Variants in NCEH1 observed in about 807,000 individuals in gnomAD.
The protein encoded by NCEH1 is 2-acetyl MAGE hydrolase.
NCEH1 carries 9 observed loss-of-function variants against 25.4 expected under a neutral mutation model. The ratio of observed to expected loss-of-function variants is 0.35; its 90% confidence interval spans 0.21 to 0.62. The LOEUF is 0.62. Ranked by LOEUF, NCEH1 falls within the 20% of genes least tolerant of loss-of-function variation. The pLI is 0.72. For missense variants in NCEH1, 412 were observed against 501.1 expected, an observed-to-expected ratio of 0.82 and a Z score of 1.70; for synonymous variants, 200 against 199.8, an observed-to-expected ratio of 1.00 and a Z score of -0.01.
intron 2 of NCEH1, 72 bp from the exon 3 acceptor site, chr3:172,645,764 G>A: frequency 3.4e-6 from 3 of 890,482 alleles, no homozygotes; most frequent in Non-Finnish European, 5.1e-6. Context: ...ATTCTGCTAA[G>A]TGTGAATTGT....
rs1279046118 is a variant in NCEH1, at chr3:172,675,329, A to AT, written c.139-27216dup. Among the ~76,000 whole-genome samples the AT allele has an allele frequency of 6.1e-3, 924 of 151,680 alleles. 10 individuals carry two copies. Among genetic ancestry groups the AT allele is most frequent in the East Asian group, 0.027 (140 of 5,170 alleles). On this transcript the variant is annotated intron_variant, in intron 1 of 4. Coordinates refer to ENST00000475381, the MANE Select transcript of NCEH1 (RefSeq NM_020792.6). ...AATAAATAAATAAATAAATAAATAAATAAATAAATAAATGATTTTGTGAGT... is the reference window on the plus strand; with the variant it reads ...AATAAATAAATAAATAAATAAATAAATTAAATAAATAAATGATTTTGTGAGT...
Position 172,633,735 on chromosome 3 carries a change from G to A in NCEH1, c.967C>T (p.Arg323Cys), listed in dbSNP as rs754711926. 1.1e-5 allele frequency: 17 copies of A among 1,614,062 alleles called. No homozygotes were observed. Among genetic ancestry groups the A allele is most frequent in the Admixed American group, 6.7e-5 (4 of 59,996 alleles). The change falls in exon 5 of 5, where the codon CGC becomes TGC. Residue 323 changes from arginine to cysteine, a missense_variant. Physicochemically the swap from Arg to Cys is radical, Grantham distance 180. This residue lies in a region of NCEH1 where 210 missense variants were observed against 258.2 expected (regional missense o/e 0.81). Coordinates refer to ENST00000475381, the MANE Select transcript of NCEH1 (RefSeq NM_020792.6). The part of the protein sequence containing the change: ...VQELPQLLDA[R>C]SAPLIADQAV... Reference sequence around the variant, plus strand: ...TGGTCTGCAATGAGTGGGGCGGAGCGGGCATCCAGCAACTGAGGAAGCTCC... The same window carrying A: ...TGGTCTGCAATGAGTGGGGCGGAGCAGGCATCCAGCAACTGAGGAAGCTCC...
chr3:172,692,115 G>A (rs543195307), intron 1 of NCEH1, among the ~76,000 whole-genome samples: 1 of 152,146 alleles, frequency 6.6e-6, no homozygotes, highest in African/African-American at 2.4e-5. Context: ...CTCCAATAAG[G>A]CATCATAGCT....
intron 1 of NCEH1, among the ~76,000 whole-genome samples, chr3:172,658,677 C>T (rs1269459104): frequency 2.0e-5 from 3 of 152,050 alleles, no homozygotes; most frequent in Non-Finnish European, 2.9e-5. Context: ...CACTACATAA[C>T]AAAATCTAGC....
At chr3:172,634,194 T>C (rs541724991) in intron 4 of NCEH1, 102 bp from the exon 5 acceptor site, 12 of 1,111,262 alleles carry the variant, frequency 1.1e-5, no homozygotes, top group Non-Finnish European at 9.0e-6. Flanking sequence ...AATCTGTCAA[T>C]GGTATAAGTG....
At chr3:172,676,422 C>T (rs1297424936) in intron 1 of NCEH1, among the ~76,000 whole-genome samples, 1 of 152,048 alleles carries the variant, frequency 6.6e-6, no homozygotes, top group Non-Finnish European at 1.5e-5. Flanking sequence ...AACATCATGG[C>T]GATCCGTATT....
In NCEH1 at chr3:172,684,851, T is replaced by G. The variant is rs185813140; in HGVS notation, c.138+25996A>C. Among the ~76,000 whole-genome samples, 28 of 152,040 alleles carry G rather than the reference T, an allele frequency of 1.8e-4. No homozygotes were observed. In the East Asian group the frequency reaches 5.4e-3, roughly 29 times the overall value. On this transcript the variant is annotated intron_variant, in intron 1 of 4. Coordinates refer to ENST00000475381, the MANE Select transcript of NCEH1 (RefSeq NM_020792.6). Reference sequence around the variant, plus strand: ...CAAAAACTAGCCAGGCATGGTGGTGTGTGCCTGTAATCCCAGCTACTTGGG... The same window carrying G: ...CAAAAACTAGCCAGGCATGGTGGTGGGTGCCTGTAATCCCAGCTACTTGGG...
At position 172,647,986 on chromosome 3, in the gene NCEH1, A is replaced by G. The variant is rs766232733; in HGVS notation, c.267T>C (p.Gly89=). Residue 89 remains glycine, a synonymous_variant, in exon 2 of 5, where the codon GGT becomes GGC. Coordinates refer to ENST00000475381, the MANE Select transcript of NCEH1 (RefSeq NM_020792.6). The part of the protein sequence containing the change: ...QVKVTDTDFD[G]VEVRVFEGPP... ...GGCCTTCAAACACTCTGACTTCCAC[A>G]CCATCAAAGTCTGTGTCGGTCACCT... is the stretch of plus-strand genomic sequence containing the variant. 1.2e-6 allele frequency: 2 copies of G among 1,614,088 alleles called. No individual in the cohort carries two copies. The highest frequency in any genetic ancestry group is 1.3e-5 in the African/African-American group (1 of 74,938).
At chr3:172,651,307 G>A (rs1717393820) in intron 1 of NCEH1, among the ~76,000 whole-genome samples, 1 of 152,132 alleles carries the variant, frequency 6.6e-6, no homozygotes, top group East Asian at 1.9e-4. Flanking sequence ...GCCCTATCCA[G>A]TATGCGATAA....
At chr3:172,659,316 T>A (rs1470267986) in intron 1 of NCEH1, among the ~76,000 whole-genome samples, 3 of 152,082 alleles carry the variant, frequency 2.0e-5, no homozygotes, top group African/African-American at 7.2e-5. Flanking sequence ...AACAAGCAAG[T>A]ATAAAGGAAT....
Position 172,711,010 on chromosome 3 carries a change from G to A in NCEH1, c.-26C>T, listed in dbSNP as rs752891329. 5 of 1,613,840 alleles carry A rather than the reference G, an allele frequency of 3.1e-6. 1 individual carries two copies. The South Asian group carries it at 4.4e-5, about 14-fold the overall frequency. On this transcript the variant is annotated 5_prime_UTR_variant, in exon 1 of 5. Coordinates refer to ENST00000475381, the MANE Select transcript of NCEH1 (RefSeq NM_020792.6). The stretch of plus-strand genomic sequence containing the variant: ...CTTGCCCTGGCTCGGCTCGCCAGCG[G>A]GCTGGCAAAGAGGAAAGGGCGATAC...
intron 1 of NCEH1, among the ~76,000 whole-genome samples, chr3:172,692,134 C>G (rs1713097582): frequency 6.6e-6 from 1 of 152,110 alleles, no homozygotes; most frequent in Non-Finnish European, 1.5e-5. Flanking sequence ...CTGCCAACAA[C>G]TGCAGTGTTT....
chr3:172,651,363 CCTAA>C (rs1299828563), intron 1 of NCEH1, among the ~76,000 whole-genome samples: 1 of 152,062 alleles, frequency 6.6e-6, no homozygotes, highest in Non-Finnish European at 1.5e-5. Flanking sequence ...ATGAATATTA[CCTAA>C]CTTTTTTTTT....
intron 1 of NCEH1, among the ~76,000 whole-genome samples, chr3:172,669,053 A>AT (rs771711463): frequency 1.3e-5 from 2 of 152,064 alleles, no homozygotes; most frequent in Non-Finnish European, 2.9e-5. Context: ...TCCAACTGGA[A>AT]TATTACCATT....
chr3:172,690,201 C>A (rs1393417136), intron 1 of NCEH1, among the ~76,000 whole-genome samples: 1 of 152,140 alleles, frequency 6.6e-6, no homozygotes, highest in Non-Finnish European at 1.5e-5. Context: ...CCGCACCCAG[C>A]CAAGCATTTT....
intron 1 of NCEH1, among the ~76,000 whole-genome samples, chr3:172,690,014 C>T (rs922187911): frequency 6.6e-6 from 1 of 151,586 alleles, no homozygotes; most frequent in Non-Finnish European, 1.5e-5. Context: ...CGCCATTCTC[C>T]TGCCTCAGCC....
At chr3:172,701,364 A>G (rs1293919987) in intron 1 of NCEH1, among the ~76,000 whole-genome samples, 1 of 150,714 alleles carries the variant, frequency 6.6e-6, no homozygotes, top group Non-Finnish European at 1.5e-5. Flanking sequence ...TCCAACAGCA[A>G]CTCTGATCAG....
chr3:172,653,744 G>GTTTTTTTTTTTTTTTTT (rs796835886), intron 1 of NCEH1, among the ~76,000 whole-genome samples: 8 of 95,650 alleles, frequency 8.4e-5, no homozygotes, highest in African/African-American at 1.7e-4. Flanking sequence ...TGTTTTTTTT[G>GTTTTTTTTTTTTTTTTT]TTTTTTTGTT....
At chr3:172,637,187 A>C (rs1329181912) in intron 3 of NCEH1, among the ~76,000 whole-genome samples, 2 of 152,234 alleles carry the variant, frequency 1.3e-5, no homozygotes, top group African/African-American at 4.8e-5. Flanking sequence ...GGGGCACATA[A>C]TCATCCATCC....
Sources: allele counts gnomAD v4.1 joint callset (sites outside exome capture counted in the v4.1 genomes callset), GRCh38; gene constraint gnomAD v4.1.1; regional missense constraint gnomAD v4.1.1; transcripts MANE v1.5; gene names NCBI Gene and HGNC (gene_info 2026-07-23, HGNC 2026-07-21).